The following NEK11 variants were observed in gnomAD, a reference collection of about 807,000 sequenced individuals.
NEK11 encodes the protein NIMA related kinase 11.
Under a neutral mutation model 80.7 loss-of-function variants are expected in NEK11, and 72 were observed. The ratio of observed to expected loss-of-function variants is 0.89; its 90% confidence interval spans 0.74 to 1.08. The LOEUF (loss-of-function observed/expected upper bound fraction) is 1.08. Among genes scored for constraint, NEK11 ranks in the 50% least tolerant of loss-of-function variants. NEK11 has a pLI of 0.00. For missense variants in NEK11, 764 were observed against 763.6 expected (o/e 1.00, Z -0.01); for synonymous variants, 251 against 260.7 (o/e 0.96, Z 0.36).
intron 14 of NEK11, among the ~76,000 whole-genome samples, chr3:131,223,797 A>C (rs2095105181): frequency 6.6e-6 from 1 of 152,204 alleles, no homozygotes; most frequent in African/African-American, 2.4e-5. Flanking sequence ...TGGGAGGTGA[A>C]CAGTGTGGTG....
chr3:131,036,652 A>G, intron 3 of NEK11, among the ~76,000 whole-genome samples: 1 of 152,228 alleles, frequency 6.6e-6, no homozygotes, highest in East Asian at 1.9e-4. Flanking sequence ...ATTATTAAGA[A>G]GTAGCCAGTG....
intron 14 of NEK11, among the ~76,000 whole-genome samples, chr3:131,216,844 G>A (rs2094853575): frequency 6.6e-6 from 1 of 152,224 alleles, no homozygotes; most frequent in Admixed American, 6.5e-5. Context: ...TACGGTGATT[G>A]AAAATTACAG....
At chr3:131,244,360 T>C (rs2108138087) in intron 16 of NEK11, among the ~76,000 whole-genome samples, 1 of 152,268 alleles carries the variant, frequency 6.6e-6, no homozygotes, top group South Asian at 2.1e-4. Context: ...ATCTGTTTAA[T>C]TGTATATCAA....
chr3:131,104,286 C>T (rs1022842837), intron 4 of NEK11, among the ~76,000 whole-genome samples: 7 of 152,148 alleles, frequency 4.6e-5, no homozygotes, highest in Non-Finnish European at 1.0e-4. Context: ...CCACCACTAA[C>T]TGATCAGGTG....
At chr3:131,281,966 A>G (rs1029935086) in intron 17 of NEK11, among the ~76,000 whole-genome samples, 6 of 152,232 alleles carry the variant, frequency 3.9e-5, no homozygotes, top group African/African-American at 1.4e-4. Flanking sequence ...ATGTCCCCAC[A>G]TCTAAATTTG....
chr3:131,124,976 T>C (rs1482728655), intron 5 of NEK11, among the ~76,000 whole-genome samples: 1 of 152,138 alleles, frequency 6.6e-6, no homozygotes, highest in Non-Finnish European at 1.5e-5. Context: ...AGTATAGTGC[T>C]TAGGATTATA....
chr3:131,217,565 GTGTACTCCCA>G (rs1427317134), intron 14 of NEK11, among the ~76,000 whole-genome samples: 1 of 152,178 alleles, frequency 6.6e-6, no homozygotes, highest in Non-Finnish European at 1.5e-5. Context: ...ACATCATAGA[GTGTACTCCCA>G]CAAACCTAGA....
At chr3:131,207,421 A>C (rs977930942) in intron 14 of NEK11, among the ~76,000 whole-genome samples, 1 of 152,058 alleles carries the variant, frequency 6.6e-6, no homozygotes, top group Non-Finnish European at 1.5e-5. Context: ...ATCTCTACTA[A>C]AAATACAAAA....
intron 3 of NEK11, among the ~76,000 whole-genome samples, chr3:131,064,739 G>T (rs1329556765): frequency 6.6e-6 from 1 of 152,098 alleles, no homozygotes; most frequent in Non-Finnish European, 1.5e-5. Flanking sequence ...CAATAAAACT[G>T]TTAGTAACAA....
At chr3:131,212,380 G>C (rs1239883792) in intron 14 of NEK11, among the ~76,000 whole-genome samples, 1 of 152,168 alleles carries the variant, frequency 6.6e-6, no homozygotes, top group Non-Finnish European at 1.5e-5. Context: ...GGGGCACCCG[G>C]CTGTATGACG....
intron 3 of NEK11, among the ~76,000 whole-genome samples, chr3:131,042,246 A>G (rs1444219312): frequency 6.6e-6 from 1 of 151,938 alleles, no homozygotes; most frequent in African/African-American, 2.4e-5. Flanking sequence ...GGTGCCTGGA[A>G]TGCCAGCGAG....
intron 14 of NEK11, among the ~76,000 whole-genome samples, chr3:131,211,165 C>CG: frequency 6.6e-6 from 1 of 152,202 alleles, no homozygotes; most frequent in East Asian, 1.9e-4. Context: ...TAAGGCAGGC[C>CG]TGGTAGTGAC....
intron 17 of NEK11, among the ~76,000 whole-genome samples, chr3:131,274,438 T>C (rs952280327): frequency 6.2e-4 from 92 of 149,144 alleles, no homozygotes; most frequent in African/African-American, 2.1e-3. Context: ...TGTGTCTTTA[T>C]AGCAGCATGA....
chr3:131,155,196 G>C (rs1197107712), intron 10 of NEK11, 75 bp downstream of exon 10: 15 of 925,488 alleles, frequency 1.6e-5, no homozygotes, highest in Non-Finnish European at 2.2e-5. Context: ...AAATCTATTA[G>C]CACTAAACTG....
At chr3:131,323,398 T>C (rs2096917555) in intron 17 of NEK11, among the ~76,000 whole-genome samples, 1 of 152,198 alleles carries the variant, frequency 6.6e-6, no homozygotes, top group Non-Finnish European at 1.5e-5. Flanking sequence ...TTCTGTAAAA[T>C]GAGGTATCGA....
intron 14 of NEK11, among the ~76,000 whole-genome samples, chr3:131,199,889 C>A (rs550819181): frequency 2.6e-5 from 4 of 151,906 alleles, no homozygotes; most frequent in Admixed American, 6.6e-5. Flanking sequence ...GGCAAAAGAC[C>A]GGGGAAACAC....
chr3:131,317,698 C>T (rs1412733670), intron 17 of NEK11, among the ~76,000 whole-genome samples: 1 of 150,198 alleles, frequency 6.7e-6, no homozygotes, highest in Admixed American at 6.7e-5. Context: ...AATTCAAGAC[C>T]AGTCTGGGTG....
At chr3:131,255,083 A>G (rs201011313) in intron 16 of NEK11, among the ~76,000 whole-genome samples, 3,853 of 63,796 alleles carry the variant, frequency 0.06, 94 homozygotes, top group East Asian at 0.12. Flanking sequence ...AAAGAAGGAA[A>G]GAAAGAAAGA....
At chr3:131,233,029 GAAGGAA>G (rs2095362025) in intron 15 of NEK11, among the ~76,000 whole-genome samples, 1 of 150,238 alleles carries the variant, frequency 6.7e-6, no homozygotes, top group Non-Finnish European at 1.5e-5. Flanking sequence ...AGGAAGGAAG[GAAGGAA>G]GGTTGGATGA....
Sources: gnomAD v4.1 joint callset for allele counts (sites outside exome capture counted in the v4.1 genomes callset) on GRCh38, gnomAD v4.1.1 for gene constraint, MANE v1.5 for transcripts, NCBI Gene and HGNC (gene_info 2026-07-23, HGNC 2026-07-21) for gene names.